Variants in TPM3 observed in about 807,000 individuals in gnomAD.
TPM3 encodes tropomyosin alpha-3 chain.
In TPM3, 16 loss-of-function variants were observed where a neutral mutation model predicts 43.1. That is an observed-to-expected ratio of 0.37 (90% CI 0.25 to 0.56). TPM3 has a LOEUF of 0.56. TPM3 is among the 20% of genes least tolerant of loss of function. The pLI is 0.77. For synonymous variants in TPM3, 101 were observed against 116.9 expected (o/e 0.86, Z 0.88); for missense variants, 176 against 337.2 (o/e 0.52, Z 3.74).
chr1:154,187,331 T>C, intron 2 of TPM3: 1 of 984,830 alleles, frequency 1.0e-6, no homozygotes, highest in Non-Finnish European at 1.2e-6. Context: ...GTTTGCTGAC[T>C]CTAGCTTTGA....
intron 9 of TPM3, among the ~76,000 whole-genome samples, chr1:154,168,814 C>A (rs1661265311): frequency 6.6e-6 from 1 of 151,750 alleles, no homozygotes; most frequent in Non-Finnish European, 1.5e-5. Context: ...GTGTGAGCCA[C>A]TACGCCCAGC....
intron 5 of TPM3, chr1:154,172,556 C>A (rs1463466641): frequency 4.3e-6 from 2 of 461,760 alleles, no homozygotes; most frequent in South Asian, 1.8e-5. Context: ...CCACACCCAG[C>A]CAGACACTAG....
downstream of TPM3, chr1:154,157,603 G>C (rs373986063): frequency 1.2e-4 from 91 of 773,012 alleles, no homozygotes; most frequent in African/African-American, 1.5e-3. Context: ...GTCTGGGTCA[G>C]AGGGAGGAGC....
chr1:154,187,358 TCTTG>T lies in TPM3; in HGVS notation c.243+3824_243+3827del, dbSNP rs1360290292. 1.1e-5 allele frequency: 11 copies of T among 984,808 alleles called. No homozygotes were observed. In the East Asian group the frequency reaches 1.1e-3, roughly 101 times the overall value. The allele number at this position is 984,808 out of a possible 1,614,324, so 61.0% of individuals were successfully genotyped here. On this transcript the variant is annotated intron_variant, in intron 2 of 9. Transcript: ENST00000651641. The stretch of plus-strand genomic sequence containing the variant: ...TAGCTTTGAGGAAAGAAACCTTTCT[TCTTG>T]CTTGCTCCTGGCCACAACCTTCCCT...
At chr1:154,179,979 T>C (rs1377992179) in intron 2 of TPM3, among the ~76,000 whole-genome samples, 1 of 152,088 alleles carries the variant, frequency 6.6e-6, no homozygotes, top group Non-Finnish European at 1.5e-5. Flanking sequence ...ATGGTTAAAA[T>C]GGTAAATTTT....
chr1:154,187,400 G>A, intron 2 of TPM3: 16 of 984,726 alleles, frequency 1.6e-5, no homozygotes, highest in Non-Finnish European at 1.9e-5. Context: ...CCTGTTTCTT[G>A]TTCTTATGCA....
At chr1:154,157,635 C>G (rs755564448), downstream of TPM3, 1 of 777,856 alleles carries the variant, frequency 1.3e-6, no homozygotes, top group East Asian at 2.4e-5. Flanking sequence ...GGGACTGGGG[C>G]GTTCTACATC....
chr1:154,159,506 T>A (rs1264570601), downstream of TPM3, among the ~76,000 whole-genome samples: 1 of 152,220 alleles, frequency 6.6e-6, no homozygotes, highest in African/African-American at 2.4e-5. Flanking sequence ...GGGAGAAATA[T>A]CCCCACACTC....
intron 2 of TPM3, among the ~76,000 whole-genome samples, chr1:154,185,372 C>CAA (rs34650875): frequency 3.0e-4 from 36 of 119,162 alleles, no homozygotes; most frequent in Non-Finnish European, 5.2e-4. Context: ...GACTCTGTAT[C>CAA]AAAAAAAAAA....
intron 1 of TPM3, 115 bp from the exon 2 acceptor site, chr1:154,191,426 A>G: frequency 6.4e-7 from 1 of 1,550,562 alleles, no homozygotes; most frequent in South Asian, 1.1e-5. Context: ...CTAGTGAGAC[A>G]CACTTTCTCC....
chr1:154,174,620 G>C (rs1662090203), intron 3 of TPM3, among the ~76,000 whole-genome samples: 1 of 148,196 alleles, frequency 6.7e-6, no homozygotes, highest in South Asian at 2.2e-4. Flanking sequence ...TTAGCCTCCT[G>C]AGTAGCTGGG....
In TPM3 at chr1:154,162,432, T is replaced by C. The variant is rs1336998014; in HGVS notation, c.*5505A>G. 1.4e-5 allele frequency among the ~76,000 whole-genome samples: 2 copies of C among 147,544 alleles called. No homozygotes were observed. Among genetic ancestry groups the C allele is most frequent in the African/African-American group, 5.0e-5 (2 of 39,934 alleles). On this transcript the variant is annotated 3_prime_UTR_variant, in exon 10 of 10. Coordinates refer to ENST00000651641, the MANE Select transcript of TPM3 (RefSeq NM_152263.4). The stretch of plus-strand genomic sequence containing the variant: ...TGGATAGTATTCAACCAACACCATG[T>C]GAAAGGAAGAGATTTGGTTGGGGCT...
chr1:154,175,254 C>T (rs1447408413), intron 3 of TPM3, among the ~76,000 whole-genome samples: 1 of 149,936 alleles, frequency 6.7e-6, no homozygotes, highest in Non-Finnish European at 1.5e-5. Flanking sequence ...TGGCGTGAAC[C>T]CGGGAGGCGG....
In TPM3 at chr1:154,169,297, A is replaced by C; in HGVS notation, c.854+8T>G. On this transcript the variant is annotated splice_region_variant and intron_variant, in intron 9 of 9. Transcript: ENST00000651641. ...GATCCCAGCCCCACTCTACTGTCAG[A>C]TAGTTACATAGAGGTCATGTCATTG... 6.2e-7 allele frequency: 1 copy of C among 1,614,158 alleles called. No individual in the cohort carries two copies. The highest frequency in any genetic ancestry group is 8.5e-7 in the Non-Finnish European group (1 of 1,179,998).
At chr1:154,175,354 T>G (rs1662185781) in intron 3 of TPM3, among the ~76,000 whole-genome samples, 1 of 141,298 alleles carries the variant, frequency 7.1e-6, no homozygotes, top group Non-Finnish European at 1.5e-5. Context: ...AAAAAAAAAT[T>G]AGCTGGAGAA....
At chr1:154,156,285 A>G (rs1659801400), downstream of TPM3, 2 of 181,994 alleles carry the variant, frequency 1.1e-5, no homozygotes, top group South Asian at 3.9e-4. Context: ...CAAAGATGCT[A>G]TTTTTAACCC....
At chr1:154,160,210 C>G (rs1175066681), downstream of TPM3, among the ~76,000 whole-genome samples, 1 of 152,236 alleles carries the variant, frequency 6.6e-6, no homozygotes, top group East Asian at 1.9e-4. Context: ...TCCTGGTATA[C>G]TCCTAGTATC....
At chr1:154,171,003 G>A (rs1661514245) in intron 6 of TPM3, 3 of 528,714 alleles carry the variant, frequency 5.7e-6, no homozygotes, top group Middle Eastern at 5.1e-4. Flanking sequence ...CCTGCTTGAT[G>A]AGCAAGAGTA....
chr1:154,183,155 T>G, intron 2 of TPM3: 1 of 1,597,574 alleles, frequency 6.3e-7, no homozygotes, highest in Non-Finnish European at 8.5e-7. Flanking sequence ...CTCCGGTTCC[T>G]GCCTCCTCCG....
Sources: allele counts gnomAD v4.1 joint callset (sites outside exome capture counted in the v4.1 genomes callset), GRCh38; gene constraint gnomAD v4.1.1; transcripts MANE v1.5; gene names NCBI Gene and HGNC (gene_info 2026-07-23, HGNC 2026-07-21).